ESR2: variants seen among roughly 807,000 people sequenced by gnomAD.
The protein encoded by ESR2 is estrogen receptor 2.
Under a neutral mutation model 49.6 loss-of-function variants are expected in ESR2, and 36 were observed. The ratio of observed to expected loss-of-function variants is 0.73; its 90% CI spans 0.56 to 0.96. ESR2 has a LOEUF of 0.96. Ranked by LOEUF, ESR2 falls within the 40% of genes least tolerant of loss-of-function variation. The probability of loss-of-function intolerance (pLI) is 0.00; values close to 1 mark genes in which losing one functional copy is unlikely to be tolerated. For missense variants in ESR2, 714 were observed against 693.0 expected (o/e 1.03, Z -0.34); for synonymous variants, 320 against 266.1 (o/e 1.20, Z -1.97).
At chr14:64,296,499 G>C (rs942561107), upstream of ESR2, among the ~76,000 whole-genome samples, 2 of 152,186 alleles carry the variant, frequency 1.3e-5, no homozygotes, top group African/African-American at 4.8e-5. Flanking sequence ...GAATGTTCAG[G>C]AAGGTTAAAC....
At chr14:64,311,086 G>A (rs1035005927) in intron 1 of ESR2, among the ~76,000 whole-genome samples, 2 of 152,180 alleles carry the variant, frequency 1.3e-5, no homozygotes, top group East Asian at 3.9e-4. Context: ...TTATAGCTGT[G>A]CTTAGAAGAT....
intron 1 of ESR2, among the ~76,000 whole-genome samples, chr14:64,315,562 C>T (rs2077244046): frequency 6.6e-6 from 1 of 151,812 alleles, no homozygotes; most frequent in African/African-American, 2.4e-5. Flanking sequence ...GCAACCTCTG[C>T]CTCCCAGGTT....
Position 64,255,937 on chromosome 14 carries a change from T to C in ESR2, c.1091+1289A>G, listed in dbSNP as rs555398888. 3.3e-5 allele frequency among the ~76,000 whole-genome samples: 5 copies of C among 152,308 alleles called. No homozygotes were observed. In the South Asian group the frequency reaches 1.0e-3, roughly 32 times the overall value. On this transcript the variant is annotated intron_variant, in intron 6 of 8. Coordinates refer to ENST00000341099, the MANE Select transcript of ESR2 (RefSeq NM_001437.3). ...ATTATGCAGAACAGTGCTCTTTTAA[T>C]AACATTGTCAACCATGACAAAAGGC...
chr14:64,233,500 G>A (rs2098729346), intron 8 of ESR2, 177 bp from the exon 9 acceptor site: 8 of 600,700 alleles, frequency 1.3e-5, no homozygotes, highest in South Asian at 1.1e-4. Context: ...TAGGCTCAAG[G>A]GCAAGGACGA....
At chr14:64,334,049 AT>A (rs1312363599) in intron 1 of ESR2, among the ~76,000 whole-genome samples, 1 of 152,164 alleles carries the variant, frequency 6.6e-6, no homozygotes, top group Non-Finnish European at 1.5e-5. Flanking sequence ...GGAATACCGT[AT>A]TTTATTCTGA....
intron 1 of ESR2, among the ~76,000 whole-genome samples, chr14:64,310,756 C>G (rs940410503): frequency 6.6e-6 from 1 of 152,170 alleles, no homozygotes; most frequent in African/African-American, 2.4e-5. Flanking sequence ...AGGCATGAGC[C>G]ACCGCGCCAG....
chr14:64,297,069 C>T (rs2076965947), upstream of ESR2, among the ~76,000 whole-genome samples: 1 of 152,158 alleles, frequency 6.6e-6, no homozygotes, highest in African/African-American at 2.4e-5. Context: ...TATAAGTGAG[C>T]AGGGTCCCAG....
chr14:64,249,716 T>C (rs952146330), intron 6 of ESR2, 37 bp from the exon 7 acceptor site: 3 of 1,573,114 alleles, frequency 1.9e-6, no homozygotes, highest in Non-Finnish European at 1.7e-6. Context: ...GGAACATAGC[T>C]TCAGGAAACC....
At chr14:64,280,808 G>A (rs1308453014) in intron 2 of ESR2, among the ~76,000 whole-genome samples, 2 of 152,162 alleles carry the variant, frequency 1.3e-5, no homozygotes, top group Non-Finnish European at 2.9e-5. Context: ...CCAGAAGTTC[G>A]AGACCAGCTT....
intron 4 of ESR2, among the ~76,000 whole-genome samples, chr14:64,261,232 C>CTTTCTTTTTTT (rs1555577156): frequency 2.3e-5 from 2 of 88,682 alleles, no homozygotes; most frequent in African/African-American, 9.3e-5. Context: ...TTTTATTTTT[C>CTTTCTTTTTTT]TTTTTTCTTT....
intron 3 of ESR2, among the ~76,000 whole-genome samples, chr14:64,270,875 C>T (rs1367240666): frequency 6.6e-6 from 1 of 152,182 alleles, no homozygotes; most frequent in Non-Finnish European, 1.5e-5. Flanking sequence ...TCTCTTAGAT[C>T]TACATGAATC....
intron 1 of ESR2, among the ~76,000 whole-genome samples, chr14:64,292,407 G>A (rs1457366610): frequency 6.6e-6 from 1 of 152,136 alleles, no homozygotes. Flanking sequence ...ACATGACTGT[G>A]CATCTGTCAG....
chr14:64,243,905 C>T (rs2075795368), intron 7 of ESR2, among the ~76,000 whole-genome samples: 3 of 152,212 alleles, frequency 2.0e-5, no homozygotes, highest in African/African-American at 7.2e-5. Flanking sequence ...TTGTGCAGCT[C>T]TTTCCCACTC....
intron 7 of ESR2, among the ~76,000 whole-genome samples, chr14:64,243,108 G>A (rs2075773638): frequency 6.6e-6 from 1 of 152,204 alleles, no homozygotes; most frequent in South Asian, 2.1e-4. Context: ...TACAAGATGA[G>A]ATTTGGGTGG....
intron 1 of ESR2, among the ~76,000 whole-genome samples, chr14:64,286,300 T>C (rs2076784395): frequency 6.6e-6 from 1 of 152,130 alleles, no homozygotes; most frequent in Non-Finnish European, 1.5e-5. Flanking sequence ...GTATGGAATT[T>C]TATATTTCAT....
chr14:64,268,978 A>T, intron 3 of ESR2, 67 bp from the exon 4 acceptor site: 1 of 911,158 alleles, frequency 1.1e-6, no homozygotes. Flanking sequence ...CTTCCTGGTC[A>T]ACAACACTGA....
intron 1 of ESR2, among the ~76,000 whole-genome samples, chr14:64,304,601 C>T (rs1296519453): frequency 2.0e-5 from 3 of 152,180 alleles, no homozygotes; most frequent in Non-Finnish European, 4.4e-5. Context: ...CGCATAGTAG[C>T]TGATGCCTGT....
upstream of ESR2, among the ~76,000 whole-genome samples, chr14:64,295,671 G>A (rs956214503): frequency 1.3e-5 from 2 of 152,048 alleles, no homozygotes; most frequent in African/African-American, 4.8e-5. Flanking sequence ...TCCTGTCCTG[G>A]GGTCTCTCAA....
intron 6 of ESR2, among the ~76,000 whole-genome samples, chr14:64,249,939 T>C (rs575164632): frequency 6.6e-6 from 1 of 152,276 alleles, no homozygotes; most frequent in East Asian, 1.9e-4. Context: ...TAGGCAAAAA[T>C]GTGCATTGGA....
Sources: gnomAD v4.1 joint callset for allele counts (sites outside exome capture counted in the v4.1 genomes callset) on GRCh38, gnomAD v4.1.1 for gene constraint, MANE v1.5 for transcripts, NCBI Gene and HGNC (gene_info 2026-07-23, HGNC 2026-07-21) for gene names.